The following SUPT16H variants were observed in gnomAD, a reference collection of about 807,000 sequenced individuals.
The protein encoded by SUPT16H is SPT16 homolog, facilitates chromatin remodeling subunit, also known as FACT complex subunit SPT16.
A neutral mutation model predicts 136.2 loss-of-function variants in SUPT16H; 24 were observed. The observed-to-expected ratio is 0.18, with a 90% CI of 0.13 to 0.25. The LOEUF (loss-of-function observed/expected upper bound fraction) is 0.25, where lower values mean the gene tolerates loss of function less well. SUPT16H is among the 10% of genes least tolerant of loss of function. The pLI, the probability that SUPT16H is intolerant of heterozygous loss-of-function variation, is 1.00. For missense variants in SUPT16H, 623 were observed against 1,270.2 expected (o/e 0.49, Z 7.74); for synonymous variants, 415 against 428.2 (o/e 0.97, Z 0.38).
intron 10 of SUPT16H, among the ~76,000 whole-genome samples, chr14:21,364,390 G>A (rs1886621524): frequency 1.3e-5 from 2 of 152,228 alleles, no homozygotes; most frequent in African/African-American, 2.4e-5. Context: ...GGGAGTGACT[G>A]CTAATAGGTT....
chr14:21,375,203 G>A (rs1222498074), intron 1 of SUPT16H, among the ~76,000 whole-genome samples: 2 of 151,778 alleles, frequency 1.3e-5, no homozygotes, highest in Non-Finnish European at 2.9e-5. Context: ...TAGTAGAGAC[G>A]AGGTTTCACC....
intron 3 of SUPT16H, among the ~76,000 whole-genome samples, chr14:21,371,443 G>A (rs1886783642): frequency 1.3e-5 from 2 of 152,122 alleles, no homozygotes; most frequent in South Asian, 4.1e-4. Context: ...TTCAGAAACA[G>A]TTAAGAAACT....
chr14:21,364,783 GA>G (rs1566387041), intron 10 of SUPT16H, 43 bp downstream of exon 10: 1 of 1,556,078 alleles, frequency 6.4e-7, no homozygotes, highest in African/African-American at 1.4e-5. Flanking sequence ...ACGTGCCTCA[GA>G]AGTTAGTTCA....
intron 3 of SUPT16H, among the ~76,000 whole-genome samples, chr14:21,371,651 C>T (rs1886786999): frequency 6.6e-6 from 1 of 152,198 alleles, no homozygotes; most frequent in South Asian, 2.1e-4. Context: ...GACATAAAAT[C>T]AGTGTTCACC....
rs1366235107 is a variant in SUPT16H, at chr14:21,363,296, T to C, written c.1332A>G (p.Lys444=). 1.3e-5 allele frequency: 21 copies of C among 1,612,306 alleles called. No homozygotes were observed. The East Asian group carries it at 4.7e-4, about 36-fold the overall frequency. Residue 444 remains lysine (K), a synonymous_variant, in exon 12 of 26, where the codon AAA becomes AAG. Coordinates refer to ENST00000216297, the MANE Select transcript of SUPT16H (RefSeq NM_007192.4). ...TTCCCAAAAGGTCCTCTGCCTCATCTTTCTCCTCCTCCTCTTCTTCCTCAT... is the reference window on the plus strand; with the variant it reads ...TTCCCAAAAGGTCCTCTGCCTCATCCTTCTCCTCCTCCTCTTCTTCCTCAT... ...NEDEEEEEEE[K]DEAEDLLGRG...
At chr14:21,362,700 T>C (rs1886582505) in intron 14 of SUPT16H, 94 bp downstream of exon 14, 8 of 1,404,378 alleles carry the variant, frequency 5.7e-6, no homozygotes, top group Non-Finnish European at 7.7e-6. Flanking sequence ...GAGTCAAAAG[T>C]GGGAGACATG....
At chr14:21,361,286 T>C (rs1399590867) in intron 15 of SUPT16H, 73 bp from the exon 16 acceptor site, 2 of 1,448,474 alleles carry the variant, frequency 1.4e-6, no homozygotes, top group Non-Finnish European at 1.9e-6. Flanking sequence ...TACTTTATCT[T>C]CTAAGCAGCT....
At chr14:21,383,805 G>C (rs766846286) in intron 1 of SUPT16H, 57 bp downstream of exon 1, 3 of 1,595,008 alleles carry the variant, frequency 1.9e-6, no homozygotes, top group South Asian at 1.1e-5. Context: ...CGAGAAACAG[G>C]GTTATTATGG....
At chr14:21,371,507 T>C (rs1213668465) in intron 3 of SUPT16H, among the ~76,000 whole-genome samples, 8 of 152,132 alleles carry the variant, frequency 5.3e-5, no homozygotes, top group Admixed American at 5.2e-4. Context: ...AGGTGGGCAG[T>C]ATGACAAAAA....
intron 1 of SUPT16H, among the ~76,000 whole-genome samples, chr14:21,378,145 A>G (rs1437503463): frequency 6.6e-6 from 1 of 150,770 alleles, no homozygotes; most frequent in Non-Finnish European, 1.5e-5. Context: ...ATTTAGAATA[A>G]AAGACTGGTA....
chr14:21,369,631 A>G, intron 5 of SUPT16H, 119 bp downstream of exon 5: 2 of 1,329,538 alleles, frequency 1.5e-6, no homozygotes, highest in South Asian at 2.7e-5. Context: ...TGTAATTACC[A>G]CCAACTTAAG....
In SUPT16H at chr14:21,377,085, A is replaced by G. The variant is rs866020275; in HGVS notation, c.67-3655T>C. Among the ~76,000 whole-genome samples, 36 of 151,840 alleles carry G rather than the reference A, an allele frequency of 2.4e-4. No homozygotes were observed. The South Asian group carries it at 6.8e-3, about 29-fold the overall frequency. Reference sequence around the variant, plus strand: ...CTCAAAGAAAGAAAAAGAAAAAAAAAAAAAAAAAAAAGATCAACAATGAAC... The same window carrying G: ...CTCAAAGAAAGAAAAAGAAAAAAAAGAAAAAAAAAAAGATCAACAATGAAC... On this transcript the variant is annotated intron_variant, in intron 1 of 25. Transcript: ENST00000216297.
At position 21,352,784 on chromosome 14, in the gene SUPT16H, T is replaced by C; in HGVS notation, c.3033A>G (p.Glu1011=). 1.2e-6 allele frequency: 2 copies of C among 1,613,954 alleles called. No individual in the cohort carries two copies. Among genetic ancestry groups the C allele is most frequent in the Non-Finnish European group, 1.7e-6 (2 of 1,179,902 alleles). Residue 1011 remains glutamate (E), a synonymous_variant, in exon 26 of 26, where the codon GAA becomes GAG. Transcript: ENST00000216297. ...TCTTCCGGCTCATACTTCGACTTTGTTCTTCTTCTTCCTCGTAACGACTTT... is the reference window on the plus strand; with the variant it reads ...TCTTCCGGCTCATACTTCGACTTTGCTCTTCTTCTTCCTCGTAACGACTTT... ...DRESRYEEEE[E]QSRSMSRKRK... is the part of the protein sequence containing the mutation.
At chr14:21,382,467 A>G (rs1490106723) in intron 1 of SUPT16H, among the ~76,000 whole-genome samples, 1 of 152,220 alleles carries the variant, frequency 6.6e-6, no homozygotes, top group Non-Finnish European at 1.5e-5. Context: ...TGAGAGCTAT[A>G]GATTAGTTTT....
chr14:21,366,721 A>G (rs1378180925), intron 7 of SUPT16H, among the ~76,000 whole-genome samples, 192 bp from the exon 8 acceptor site: 1 of 147,992 alleles, frequency 6.8e-6, no homozygotes, highest in African/African-American at 2.5e-5. Context: ...ATGATTACGG[A>G]TCACTGCAGC....
intron 1 of SUPT16H, chr14:21,383,483 G>T: frequency 1.7e-6 from 1 of 580,814 alleles, no homozygotes; most frequent in South Asian, 2.1e-5. Flanking sequence ...ACCAGGGGTG[G>T]AATATTGTGG....
intron 22 of SUPT16H, 147 bp downstream of exon 22, chr14:21,357,050 C>G: frequency 1.4e-6 from 1 of 713,994 alleles, no homozygotes; most frequent in Non-Finnish European, 2.0e-6. Context: ...TCTAATAGAT[C>G]TCAAGTTTTC....
chr14:21,380,092 C>T (rs986280468), intron 1 of SUPT16H, among the ~76,000 whole-genome samples: 2 of 151,898 alleles, frequency 1.3e-5, no homozygotes, highest in Non-Finnish European at 2.9e-5. Context: ...TGTCATTACC[C>T]CCTAAAAAAT....
intron 17 of SUPT16H, 120 bp downstream of exon 17, chr14:21,360,726 T>A: frequency 7.0e-7 from 1 of 1,426,264 alleles, no homozygotes; most frequent in Non-Finnish European, 9.5e-7. Flanking sequence ...ATTAGCACCA[T>A]GCTTTAACCA....
Sources: gnomAD v4.1 joint callset for allele counts (sites outside exome capture counted in the v4.1 genomes callset) on GRCh38, gnomAD v4.1.1 for gene constraint, MANE v1.5 for transcripts, NCBI Gene and HGNC (gene_info 2026-07-23, HGNC 2026-07-21) for gene names.